The following PPP2R2C variants were observed in gnomAD, a reference collection of about 807,000 sequenced individuals.
PPP2R2C encodes the protein protein phosphatase 2 regulatory subunit Bgamma, also known as protein phosphatase 2, regulatory subunit B, gamma.
A neutral mutation model predicts 45.3 loss-of-function variants in PPP2R2C; 10 were observed. The observed-to-expected ratio is 0.22, with a 90% CI of 0.14 to 0.37. The LOEUF is 0.37. Ranked by LOEUF, PPP2R2C falls within the 10% of genes least tolerant of loss-of-function variation. PPP2R2C has a pLI of 1.00. For missense variants in PPP2R2C, 308 were observed against 619.7 expected (o/e 0.50, Z 5.34); for synonymous variants, 257 against 245.4 (o/e 1.05, Z -0.44).
At chr4:6,483,144 TTG>T (rs1491236613) in intron 2 of PPP2R2C, among the ~76,000 whole-genome samples, 6,002 of 85,064 alleles carry the variant, frequency 0.071, 176 homozygotes, top group African/African-American at 0.16. Context: ...GATAGATAGA[TTG>T]ATTGATTGAT....
chr4:6,444,740 C>T (rs886102822), intron 1 of PPP2R2C, among the ~76,000 whole-genome samples: 3 of 152,198 alleles, frequency 2.0e-5, no homozygotes, highest in Admixed American at 6.5e-5. Flanking sequence ...CCAAGCGATG[C>T]CTGGCCAGGC....
intron 5 of PPP2R2C, 75 bp downstream of exon 5, chr4:6,372,448 A>G (rs926467906): frequency 6.6e-7 from 1 of 1,513,804 alleles, no homozygotes. Flanking sequence ...CTGTCTGCCA[A>G]TCAAACCAAA....
At chr4:6,450,444 T>G (rs1319290059) in intron 1 of PPP2R2C, among the ~76,000 whole-genome samples, 1 of 152,112 alleles carries the variant, frequency 6.6e-6, no homozygotes, top group Non-Finnish European at 1.5e-5. Context: ...CAAGCAACGG[T>G]TCAGCCTCAC....
At chr4:6,412,372 C>A (rs1175527297) in intron 1 of PPP2R2C, among the ~76,000 whole-genome samples, 2 of 152,172 alleles carry the variant, frequency 1.3e-5, no homozygotes, top group Non-Finnish European at 2.9e-5. Context: ...AGCCCCTGCC[C>A]TCATTTCACC....
chr4:6,390,580 G>A (rs1716549645), intron 1 of PPP2R2C, among the ~76,000 whole-genome samples: 1 of 152,252 alleles, frequency 6.6e-6, no homozygotes, highest in South Asian at 2.1e-4. Context: ...GCCAAGTCTG[G>A]GCGGAGTCAG....
intron 1 of PPP2R2C, among the ~76,000 whole-genome samples, chr4:6,465,779 T>TTA (rs1342437524): frequency 3.3e-5 from 5 of 152,220 alleles, no homozygotes. Flanking sequence ...AATGCACAAG[T>TTA]TATATTTCGC....
chr4:6,526,751 G>C (rs1237562037), intron 2 of PPP2R2C, among the ~76,000 whole-genome samples: 1 of 152,222 alleles, frequency 6.6e-6, no homozygotes, highest in Admixed American at 6.5e-5. Flanking sequence ...AGAGGGGTGA[G>C]AGGGTGCAGA....
intron 6 of PPP2R2C, among the ~76,000 whole-genome samples, chr4:6,343,520 C>T (rs1051540531): frequency 1.3e-5 from 2 of 152,082 alleles, no homozygotes. Context: ...AGTTCGAGAC[C>T]AGCCTGGCCA....
intron 1 of PPP2R2C, among the ~76,000 whole-genome samples, chr4:6,423,067 CTGTGCCCT>C (rs1719079715): frequency 6.6e-6 from 1 of 152,222 alleles, no homozygotes; most frequent in Non-Finnish European, 1.5e-5. Context: ...TCCCCGATGG[CTGTGCCCT>C]ACCTGGAAGG....
intron 1 of PPP2R2C, among the ~76,000 whole-genome samples, chr4:6,407,898 G>A (rs1717906672): frequency 6.6e-6 from 1 of 152,216 alleles, no homozygotes; most frequent in African/African-American, 2.4e-5. Flanking sequence ...AATGTGGCTA[G>A]TCTGAGCTGG....
intron 1 of PPP2R2C, among the ~76,000 whole-genome samples, chr4:6,400,657 C>T (rs1205305929): frequency 6.6e-6 from 1 of 152,186 alleles, no homozygotes; most frequent in Non-Finnish European, 1.5e-5. Context: ...GTAACTAAGG[C>T]GTCTATTGAT....
At chr4:6,371,034 C>T (rs1284015016) in intron 5 of PPP2R2C, among the ~76,000 whole-genome samples, 2 of 152,186 alleles carry the variant, frequency 1.3e-5, no homozygotes, top group Non-Finnish European at 2.9e-5. Flanking sequence ...TTCCTGATAC[C>T]CACCAAGTGC....
At chr4:6,333,862 GAACTA>G in intron 6 of PPP2R2C, 131 bp from the exon 7 acceptor site, 1 of 965,128 alleles carries the variant, frequency 1.0e-6, no homozygotes, top group Non-Finnish European at 1.6e-6. Flanking sequence ...CTCAAACCTA[GAACTA>G]AACACTTACC....
upstream of PPP2R2C, among the ~76,000 whole-genome samples, chr4:6,473,514 A>G (rs1722027611): frequency 6.6e-6 from 1 of 152,164 alleles, no homozygotes; most frequent in African/African-American, 2.4e-5. Context: ...AGCCCTCCCT[A>G]GGAGCTCAAC....
At chr4:6,459,117 T>C (rs762880649) in intron 1 of PPP2R2C, among the ~76,000 whole-genome samples, 1 of 152,192 alleles carries the variant, frequency 6.6e-6, no homozygotes, top group Non-Finnish European at 1.5e-5. Context: ...ATTTGGTTCA[T>C]GAATCTGCAG....
At chr4:6,384,723 A>G (rs986992215) in intron 1 of PPP2R2C, 24 of 985,362 alleles carry the variant, frequency 2.4e-5, no homozygotes, top group Non-Finnish European at 2.8e-5. Flanking sequence ...TTTACAATTT[A>G]TATGTCATTT....
chr4:6,537,301 A>C (rs1577246300), intron 1 of PPP2R2C, among the ~76,000 whole-genome samples: 1 of 152,204 alleles, frequency 6.6e-6, no homozygotes, highest in East Asian at 1.9e-4. Flanking sequence ...TCATCAGTGC[A>C]GAGAAATGTC....
rs1418602272 is a variant in PPP2R2C, at chr4:6,445,714, G to C, written c.70+26446C>G. ...AGTCTGGGTGACAAGGAGAGACCCT[G>C]TCTCTAAATAAATAAATAAATAAAT... On this transcript the variant is annotated intron_variant, in intron 1 of 8. Transcript: ENST00000382599. 9.9e-5 allele frequency among the ~76,000 whole-genome samples: 15 copies of C among 152,116 alleles called. 1 individual carries two copies. Among genetic ancestry groups the C allele is most frequent in the Admixed American group, 5.2e-4 (8 of 15,272 alleles).
intron 1 of PPP2R2C, among the ~76,000 whole-genome samples, chr4:6,420,633 C>G (rs1409074818): frequency 1.3e-5 from 2 of 152,122 alleles, no homozygotes; most frequent in Admixed American, 1.3e-4. Flanking sequence ...TAAGCTCTAT[C>G]TGCGGGACAC....
Sources: allele counts gnomAD v4.1 joint callset (sites outside exome capture counted in the v4.1 genomes callset), GRCh38; gene constraint gnomAD v4.1.1; transcripts MANE v1.5; gene names NCBI Gene and HGNC (gene_info 2026-07-23, HGNC 2026-07-21).